Variants in EPHB1 observed in about 807,000 individuals in gnomAD.
EPHB1 encodes the protein ephrin type-B receptor 1.
A neutral mutation model predicts 94.4 loss-of-function variants in EPHB1; 30 were observed. The observed-to-expected ratio is 0.32, with a 90% CI of 0.24 to 0.43. The LOEUF (loss-of-function observed/expected upper bound fraction) is 0.43. Ranked by LOEUF, EPHB1 falls within the 20% of genes least tolerant of loss-of-function variation. The probability of loss-of-function intolerance (pLI) is 1.00; values close to 1 mark genes in which losing one functional copy is unlikely to be tolerated. For synonymous variants in EPHB1, 522 were observed against 489.1 expected (o/e 1.07, Z -0.89); for missense variants, 1,055 against 1,308.3 (o/e 0.81, Z 2.99).
chr3:135,010,880 C>T (rs1193024224), intron 3 of EPHB1, among the ~76,000 whole-genome samples: 1 of 152,168 alleles, frequency 6.6e-6, no homozygotes, highest in African/African-American at 2.4e-5. Flanking sequence ...GTATTTCTAA[C>T]ACCTGCCCCC....
At chr3:135,091,196 A>C (rs1196099789) in intron 3 of EPHB1, among the ~76,000 whole-genome samples, 1 of 152,196 alleles carries the variant, frequency 6.6e-6, no homozygotes. Context: ...AAAGCTGAGA[A>C]GGAGAAAGAG....
intron 4 of EPHB1, among the ~76,000 whole-genome samples, chr3:135,117,086 T>G (rs1250430019): frequency 6.6e-6 from 1 of 152,228 alleles, no homozygotes; most frequent in Admixed American, 6.5e-5. Flanking sequence ...TTCTGAGTGA[T>G]ATCCACAAAG....
intron 3 of EPHB1, among the ~76,000 whole-genome samples, chr3:134,960,226 G>C (rs79296102): frequency 2.0e-5 from 3 of 151,996 alleles, no homozygotes; most frequent in Non-Finnish European, 4.4e-5. Context: ...GGGTGAAGAA[G>C]ACTGGAAAGA....
chr3:135,107,716 G>A, intron 4 of EPHB1, among the ~76,000 whole-genome samples: 1 of 152,116 alleles, frequency 6.6e-6, no homozygotes. Context: ...GCCTTGTAGT[G>A]TATGTAACCT....
chr3:135,258,903 T>G, intron 15 of EPHB1, 109 bp from the exon 16 acceptor site: 1 of 989,238 alleles, frequency 1.0e-6, no homozygotes, highest in Non-Finnish European at 1.5e-6. Context: ...GCTAGTTGGA[T>G]TTTTGTAGCA....
intron 2 of EPHB1, among the ~76,000 whole-genome samples, chr3:134,939,724 A>C (rs1334991459): frequency 6.6e-6 from 1 of 152,142 alleles, no homozygotes; most frequent in Non-Finnish European, 1.5e-5. Context: ...TGCTGCCCTG[A>C]AGAATCTTTG....
intron 3 of EPHB1, among the ~76,000 whole-genome samples, chr3:134,953,320 T>C (rs1165460821): frequency 6.6e-6 from 1 of 152,256 alleles, no homozygotes; most frequent in South Asian, 2.1e-4. Context: ...TCAGCCTTCC[T>C]GAGGCCTGCT....
intron 15 of EPHB1, among the ~76,000 whole-genome samples, chr3:135,258,581 C>T (rs973474136): frequency 3.9e-5 from 6 of 152,246 alleles, no homozygotes; most frequent in African/African-American, 1.4e-4. Context: ...CATCAGAAGA[C>T]CAGGTGAGCC....
intron 3 of EPHB1, among the ~76,000 whole-genome samples, chr3:134,967,245 G>A (rs1431055375): frequency 3.3e-5 from 5 of 152,194 alleles, no homozygotes; most frequent in Non-Finnish European, 7.3e-5. Flanking sequence ...AAATGAAAAT[G>A]GAGTGGTGGA....
intron 1 of EPHB1, among the ~76,000 whole-genome samples, chr3:134,912,577 C>G (rs1325339293): frequency 6.6e-6 from 1 of 152,206 alleles, no homozygotes; most frequent in Non-Finnish European, 1.5e-5. Flanking sequence ...AGGGTATGCT[C>G]TGTGTCAGGA....
chr3:134,936,476 G>A (rs963466025), intron 2 of EPHB1, among the ~76,000 whole-genome samples: 4 of 152,204 alleles, frequency 2.6e-5, no homozygotes, highest in African/African-American at 9.7e-5. Context: ...TGTTCAGGAA[G>A]TGAAAATTGC....
intron 3 of EPHB1, among the ~76,000 whole-genome samples, chr3:134,983,007 T>G (rs1377997540): frequency 6.6e-6 from 1 of 152,244 alleles, no homozygotes; most frequent in Non-Finnish European, 1.5e-5. Flanking sequence ...AAGAACAATC[T>G]GCAATCCCAT....
At chr3:135,168,144 G>A (rs1173037551) in intron 9 of EPHB1, among the ~76,000 whole-genome samples, 2 of 152,228 alleles carry the variant, frequency 1.3e-5, no homozygotes, top group Admixed American at 6.5e-5. Context: ...TCATAGATGT[G>A]GCTTCCAATC....
At chr3:134,927,448 T>A (rs36180) in intron 2 of EPHB1, among the ~76,000 whole-genome samples, 90,950 of 152,154 alleles carry the variant, frequency 0.6, 29,882 homozygotes, top group African/African-American at 0.89. Context: ...GTCATGCCAG[T>A]AACACTGTGG....
intron 2 of EPHB1, among the ~76,000 whole-genome samples, chr3:134,941,633 G>A (rs567233582): frequency 6.6e-6 from 1 of 152,290 alleles, no homozygotes; most frequent in African/African-American, 2.4e-5. Context: ...AGTTTCTGAA[G>A]GTTTTTCTAG....
At chr3:135,219,110 T>TA (rs1441099400) in intron 12 of EPHB1, among the ~76,000 whole-genome samples, 1 of 152,118 alleles carries the variant, frequency 6.6e-6, no homozygotes, top group Non-Finnish European at 1.5e-5. Context: ...GAGGTAGACG[T>TA]AAGCCTCATC....
chr3:134,970,134 G>A (rs1933910150), intron 3 of EPHB1, among the ~76,000 whole-genome samples: 1 of 152,146 alleles, frequency 6.6e-6, no homozygotes, highest in South Asian at 2.1e-4. Flanking sequence ...TAATCCATAT[G>A]TTCAAGTTTA....
In EPHB1 at chr3:135,249,283, C is replaced by T. The variant is rs546334043; in HGVS notation, c.2691-53C>T. The T allele has an allele frequency of 1.5e-5, 23 of 1,551,536 alleles. No homozygotes were observed. In the South Asian group the frequency reaches 2.5e-4, roughly 17 times the overall value. ...TCAGCTGTCAGGCCAGACTGGGGCACTGTCCATGCATCTCTGCAATGTGTG... is the reference window on the plus strand; with the variant it reads ...TCAGCTGTCAGGCCAGACTGGGGCATTGTCCATGCATCTCTGCAATGTGTG... On this transcript the variant is annotated intron_variant, in intron 14 of 15. Coordinates refer to ENST00000398015, the MANE Select transcript of EPHB1 (RefSeq NM_004441.5).
intron 9 of EPHB1, among the ~76,000 whole-genome samples, chr3:135,170,678 T>C (rs1439192831): frequency 1.3e-5 from 2 of 152,262 alleles, no homozygotes; most frequent in African/African-American, 2.4e-5. Flanking sequence ...AAGTATAAGT[T>C]TGAGAATCTA....
Sources: allele counts gnomAD v4.1 joint callset (sites outside exome capture counted in the v4.1 genomes callset), GRCh38; gene constraint gnomAD v4.1.1; transcripts MANE v1.5; gene names NCBI Gene and HGNC (gene_info 2026-07-23, HGNC 2026-07-21).